SLC24A2: variants seen among roughly 807,000 people sequenced by gnomAD.
SLC24A2 encodes sodium/potassium/calcium exchanger 2.
A neutral mutation model predicts 62.0 loss-of-function variants in SLC24A2; 36 were observed. That is an observed-to-expected ratio of 0.58 (90% CI 0.44 to 0.77). The LOEUF is 0.77. Among genes scored for constraint, SLC24A2 ranks in the 30% least tolerant of loss-of-function variants. The pLI, the probability that SLC24A2 is intolerant of heterozygous loss-of-function variation, is 0.00. For synonymous variants in SLC24A2, 358 were observed against 294.0 expected (o/e 1.22, Z -2.23); for missense variants, 846 against 817.9 (o/e 1.03, Z -0.42).
At chr9:19,960,141 T>G in the SLC24A2 span, among the ~76,000 whole-genome samples, 2 of 152,240 alleles carry the variant, frequency 1.3e-5, no homozygotes, top group South Asian at 4.1e-4. Context: ...TGTTTCTTGA[T>G]GCCAACCAAA....
At chr9:19,797,259 A>C in the SLC24A2 span, among the ~76,000 whole-genome samples, 3 of 152,288 alleles carry the variant, frequency 2.0e-5, no homozygotes, top group South Asian at 6.2e-4. Flanking sequence ...ATGAGTGCCT[A>C]CTGTAGTAGG....
chr9:20,154,299 G>A, the SLC24A2 span, among the ~76,000 whole-genome samples: 1 of 151,762 alleles, frequency 6.6e-6, no homozygotes, highest in Non-Finnish European at 1.5e-5. Flanking sequence ...TGACAAATGG[G>A]GAAGTCACAC....
At chr9:19,997,960 A>C in the SLC24A2 span, among the ~76,000 whole-genome samples, 1 of 152,148 alleles carries the variant, frequency 6.6e-6, no homozygotes, top group Non-Finnish European at 1.5e-5. Flanking sequence ...CCTAGTTACT[A>C]TCTCTTAGTT....
the SLC24A2 span, among the ~76,000 whole-genome samples, chr9:20,070,283 C>T: frequency 6.6e-6 from 1 of 152,194 alleles, no homozygotes; most frequent in Non-Finnish European, 1.5e-5. Context: ...AAACAGGACT[C>T]TAAAACTCAA....
At chr9:20,192,698 G>C in the SLC24A2 span, among the ~76,000 whole-genome samples, 33 of 152,094 alleles carry the variant, frequency 2.2e-4, no homozygotes, top group Non-Finnish European at 2.9e-5. Context: ...TTCCTGATAC[G>C]GGGGCTGCTC....
At chr9:19,544,038 C>T (rs969060679) in intron 8 of SLC24A2, among the ~76,000 whole-genome samples, 1 of 152,108 alleles carries the variant, frequency 6.6e-6, no homozygotes, top group African/African-American at 2.4e-5. Flanking sequence ...GGTATTAAAT[C>T]TCCCACTATT....
chr9:20,185,991 C>A, the SLC24A2 span, among the ~76,000 whole-genome samples: 1 of 152,126 alleles, frequency 6.6e-6, no homozygotes, highest in South Asian at 2.1e-4. Flanking sequence ...GGTTCCTGGC[C>A]TCTTGGGGCT....
the SLC24A2 span, among the ~76,000 whole-genome samples, chr9:19,918,504 T>G: frequency 2.0e-5 from 3 of 152,002 alleles, no homozygotes; most frequent in Non-Finnish European, 4.4e-5. Context: ...GCTCACATCC[T>G]CCACTCTCCT....
At chr9:19,730,871 A>T (rs1446639963) in intron 2 of SLC24A2, among the ~76,000 whole-genome samples, 1 of 115,866 alleles carries the variant, frequency 8.6e-6, no homozygotes, top group Non-Finnish European at 1.7e-5. Flanking sequence ...AAATCCTATA[A>T]CTCTTAGGTT....
the SLC24A2 span, among the ~76,000 whole-genome samples, chr9:20,188,459 G>C: frequency 6.6e-6 from 1 of 152,228 alleles, no homozygotes; most frequent in Non-Finnish European, 1.5e-5. Context: ...GAGTAGTGTG[G>C]TAAGCAGAAT....
At chr9:20,178,009 A>G in the SLC24A2 span, among the ~76,000 whole-genome samples, 2 of 152,102 alleles carry the variant, frequency 1.3e-5, no homozygotes, top group Non-Finnish European at 2.9e-5. Flanking sequence ...GTCAATATTC[A>G]ACCTCACCAT....
the SLC24A2 span, among the ~76,000 whole-genome samples, chr9:20,049,701 A>C: frequency 6.9e-6 from 1 of 144,438 alleles, no homozygotes; most frequent in Non-Finnish European, 1.5e-5. Context: ...TAAAATATTT[A>C]AGAAATCACA....
intron 2 of SLC24A2, among the ~76,000 whole-genome samples, chr9:19,690,872 G>T (rs962124907): frequency 1.3e-5 from 2 of 152,026 alleles, no homozygotes; most frequent in African/African-American, 4.8e-5. Flanking sequence ...GGATCAGCTG[G>T]AGTAGTACAG....
At chr9:19,799,239 T>A in the SLC24A2 span, among the ~76,000 whole-genome samples, 191 of 152,312 alleles carry the variant, frequency 1.3e-3, no homozygotes, top group Middle Eastern at 0.017. Context: ...TAGCTTTTTT[T>A]ATTTTATCTA....
the SLC24A2 span, among the ~76,000 whole-genome samples, chr9:20,148,713 T>C: frequency 6.6e-6 from 1 of 152,094 alleles, no homozygotes; most frequent in Non-Finnish European, 1.5e-5. Context: ...TATTATTATT[T>C]CAACACTAAA....
chr9:19,958,550 G>A, the SLC24A2 span, among the ~76,000 whole-genome samples: 75 of 152,304 alleles, frequency 4.9e-4, no homozygotes, highest in Admixed American at 1.1e-3. Flanking sequence ...CGGCGAGCAC[G>A]TGCTGTGCAA....
upstream of SLC24A2, among the ~76,000 whole-genome samples, chr9:19,790,751 G>A (rs895759307): frequency 3.3e-5 from 5 of 152,072 alleles, no homozygotes; most frequent in African/African-American, 9.7e-5. Context: ...AACCAATTAG[G>A]CTTTATTTTT....
At chr9:19,720,214 A>G (rs750888808) in intron 2 of SLC24A2, among the ~76,000 whole-genome samples, 3 of 152,200 alleles carry the variant, frequency 2.0e-5, no homozygotes, top group Non-Finnish European at 4.4e-5. Context: ...TAAAAATTTA[A>G]ATTTGTAATT....
chr9:19,861,421 A>G, the SLC24A2 span, among the ~76,000 whole-genome samples: 1 of 152,174 alleles, frequency 6.6e-6, no homozygotes, highest in African/African-American at 2.4e-5. Context: ...CTTACATCCT[A>G]ATGCCCAAGT....
Sources: allele counts gnomAD v4.1 joint callset (sites outside exome capture counted in the v4.1 genomes callset), GRCh38; gene constraint gnomAD v4.1.1; transcripts MANE v1.5; gene names NCBI Gene and HGNC (gene_info 2026-07-23, HGNC 2026-07-21).